The following SEMA4D variants were observed in gnomAD, a reference collection of about 807,000 sequenced individuals.
SEMA4D encodes semaphorin 4D, also known as semaphorin-4D.
Under a neutral mutation model 74.8 loss-of-function variants are expected in SEMA4D, and 22 were observed. That is an observed-to-expected ratio of 0.29 (90% CI 0.21 to 0.42). The LOEUF (loss-of-function observed/expected upper bound fraction) is 0.42, where lower values mean the gene tolerates loss of function less well. Among genes scored for constraint, SEMA4D ranks in the 10% least tolerant of loss-of-function variants. The pLI is 1.00. For synonymous variants in SEMA4D, 445 were observed against 463.7 expected, an observed-to-expected ratio of 0.96 and a Z score of 0.52; for missense variants, 937 against 1,118.4, an observed-to-expected ratio of 0.84 and a Z score of 2.31.
chr9:89,363,682 TTGTAAATAG>T, intron 17 of SEMA4D: 1 of 1,594,504 alleles, frequency 6.3e-7, no homozygotes, highest in Non-Finnish European at 8.6e-7. Context: ...TTCACTGCCA[TTGTAAATAG>T]TGAAAAATTA....
chr9:89,453,380 C>T (rs755968287), intron 2 of SEMA4D, among the ~76,000 whole-genome samples: 6 of 152,258 alleles, frequency 3.9e-5, no homozygotes, highest in African/African-American at 9.6e-5. Flanking sequence ...AGAAATCACA[C>T]GCAAGACACA....
Position 89,472,568 on chromosome 9 carries a change from C to T in SEMA4D, c.-309-16615G>A, listed in dbSNP as rs376754607. 179 of 238,306 alleles carry T rather than the reference C, an allele frequency of 7.5e-4. 1 individual carries two copies. Among genetic ancestry groups the T allele is most frequent in the African/African-American group, 3.8e-3 (165 of 43,180 alleles). The allele number at this position is 238,306 out of a possible 1,614,324, so 14.8% of individuals were successfully genotyped here. On this transcript the variant is annotated intron_variant, in intron 1 of 15. Coordinates refer to ENST00000422704, the MANE Select transcript of SEMA4D (RefSeq NM_001371194.2). The stretch of plus-strand genomic sequence containing the variant: ...AAGAGCCAAATCACCGCTAGCAAAA[C>T]GGCAGAATTCATATAGCATTCAAAG...
chr9:89,457,808 G>A (rs1856300158), intron 1 of SEMA4D, among the ~76,000 whole-genome samples: 1 of 151,962 alleles, frequency 6.6e-6, no homozygotes, highest in Non-Finnish European at 1.5e-5. Context: ...CCGAAGGTGG[G>A]TGGATCACTA....
exon 17 of SEMA4D, chr9:89,363,950 C>T (rs1299364980): frequency 6.2e-7 from 1 of 1,614,058 alleles, no homozygotes; most frequent in South Asian, 1.1e-5. Context: ...GTCTGCAGGA[C>T]CTGGGGACAC....
intron 1 of SEMA4D, among the ~76,000 whole-genome samples, chr9:89,473,795 C>CA (rs36119374): frequency 0.19 from 29,000 of 152,038 alleles, 2,954 homozygotes; most frequent in East Asian, 0.32. Context: ...GCAGAGGTTG[C>CA]AGTGAGCTGA....
Position 89,484,684 on chromosome 9 carries a change from CTG to C in SEMA4D, c.-310+13233_-310+13234del, listed in dbSNP as rs1395159147. On this transcript the variant is annotated intron_variant, in intron 1 of 15. Coordinates refer to ENST00000422704, the MANE Select transcript of SEMA4D (RefSeq NM_001371194.2). This position sits in a 1 kb window ranked among gnomAD's most constrained non-coding sequence, Gnocchi z 4.1. ...GTGGTGTGTGTATGTAGTGTGGTGGCTGTGTGTGTGGTATGTGATGTGGTGTA... is the reference window on the plus strand; with the variant it reads ...GTGGTGTGTGTATGTAGTGTGGTGGCTGTGTGTGGTATGTGATGTGGTGTA... Among the ~76,000 whole-genome samples, 2 of 143,606 alleles carry C rather than the reference CTG, an allele frequency of 1.4e-5. No individual in the cohort carries two copies. The highest frequency in any genetic ancestry group is 6.9e-5 in the Admixed American group (1 of 14,452). 94.2% of individuals were successfully genotyped at this position (143,606 alleles called of 152,430 possible). A position where few individuals can be genotyped will look rare whatever the true frequency, so the allele number is the denominator to read the frequency against.
At chr9:89,436,698 A>T (rs1850491880) in intron 2 of SEMA4D, 1 of 152,892 alleles carries the variant, frequency 6.5e-6, no homozygotes, top group South Asian at 2.1e-4. Flanking sequence ...CCCAGTCCCA[A>T]GGCTGAGGAA....
rs1340534203 is a variant in SEMA4D, at chr9:89,399,259, T to C, written c.315+17A>G. On this transcript the variant is annotated intron_variant, in intron 5 of 15. Coordinates refer to ENST00000422704, the MANE Select transcript of SEMA4D (RefSeq NM_001371194.2). ...ATACTTGAATGGGATTCTTTGTAGCTTGCAAAAGAAATTTACCTGTTTTGA... is the reference window on the plus strand; with the variant it reads ...ATACTTGAATGGGATTCTTTGTAGCCTGCAAAAGAAATTTACCTGTTTTGA... 3 of 1,608,000 alleles carry C rather than the reference T, an allele frequency of 1.9e-6. No homozygotes were observed. The South Asian group carries it at 3.3e-5, about 18-fold the overall frequency.
At chr9:89,438,970 T>C (rs1851094394) in intron 2 of SEMA4D, among the ~76,000 whole-genome samples, 4 of 23,264 alleles carry the variant, frequency 1.7e-4, no homozygotes. Flanking sequence ...GGGCCTTTTT[T>C]TTTTTTTTTT....
At chr9:89,392,581 A>G in intron 7 of SEMA4D, 45 bp from the exon 8 acceptor site, 1 of 1,202,434 alleles carries the variant, frequency 8.3e-7, no homozygotes, top group Non-Finnish European at 1.2e-6. Context: ...CCAACCTCTC[A>G]GGCTATGGCA....
At chr9:89,450,382 C>T (rs906711020) in intron 2 of SEMA4D, 2 of 1,091,022 alleles carry the variant, frequency 1.8e-6, no homozygotes, top group African/African-American at 3.1e-5. Flanking sequence ...CGTTTTGATG[C>T]CATGCCATTT....
chr9:89,388,646 C>T lies in SEMA4D; in HGVS notation c.1097G>A (p.Arg366Gln), dbSNP rs369287352. The change falls in exon 11 of 16, where the codon CGG (arginine) becomes CAG (glutamine). Residue 366 changes from arginine to glutamine, a missense_variant. Coordinates refer to ENST00000422704, the MANE Select transcript of SEMA4D (RefSeq NM_001371194.2). ...AGTGCCCCAGCTCACCGCTCCAGGC[C>T]GCGGCTTGGGTACCGGGCCATTATA... Reference protein sequence around the residue: ...VRYNGPVPKPRPGACIDSEAR... With the variant: ...VRYNGPVPKPQPGACIDSEAR... 33 of 1,599,506 alleles carry T rather than the reference C, an allele frequency of 2.1e-5. No individual in the cohort carries two copies. In the South Asian group the frequency reaches 2.3e-4, roughly 11 times the overall value.
intron 1 of SEMA4D, among the ~76,000 whole-genome samples, chr9:89,462,485 C>A (rs1857481807): frequency 6.6e-6 from 1 of 152,152 alleles, no homozygotes; most frequent in Non-Finnish European, 1.5e-5. Flanking sequence ...AAATGTTTTT[C>A]CCTGTGGCAT....
chr9:89,490,949 A>G (rs1825577042), intron 1 of SEMA4D, among the ~76,000 whole-genome samples: 1 of 152,212 alleles, frequency 6.6e-6, no homozygotes, highest in African/African-American at 2.4e-5. Flanking sequence ...GATTCGAAAT[A>G]AATTGGCCCA....
chr9:89,419,018 C>T (rs1423995632), intron 2 of SEMA4D, among the ~76,000 whole-genome samples: 1 of 144,058 alleles, frequency 6.9e-6, no homozygotes, highest in Non-Finnish European at 1.5e-5. Flanking sequence ...CTGGACGGCT[C>T]CCTCCTCTAC....
At chr9:89,374,905 T>G (rs1835574411), downstream of SEMA4D, among the ~76,000 whole-genome samples, 1 of 152,038 alleles carries the variant, frequency 6.6e-6, no homozygotes, top group African/African-American at 2.4e-5. Context: ...ATACAAAAAT[T>G]AGCTGGGCAT....
intron 1 of SEMA4D, among the ~76,000 whole-genome samples, chr9:89,465,231 A>C (rs1477080754): frequency 2.0e-5 from 3 of 152,158 alleles, no homozygotes; most frequent in Non-Finnish European, 4.4e-5. Flanking sequence ...AGTCCGGTGC[A>C]TCCCGCGGAG....
chr9:89,369,422 A>G (rs575082904), intron 16 of SEMA4D: 2 of 152,362 alleles, frequency 1.3e-5, no homozygotes, highest in South Asian at 4.1e-4. Context: ...AGCTTTGAAA[A>G]TGACACGGGT....
chr9:89,369,108 C>T (rs1564490891), intron 16 of SEMA4D: 10 of 152,206 alleles, frequency 6.6e-5, no homozygotes, highest in Admixed American at 5.9e-4. Flanking sequence ...CAAGGGTGGC[C>T]CAACACACAA....
Sources: allele counts gnomAD v4.1 joint callset (sites outside exome capture counted in the v4.1 genomes callset), GRCh38; gene constraint gnomAD v4.1.1; non-coding constraint Gnocchi (gnomAD v3.1); transcripts MANE v1.5; gene names NCBI Gene and HGNC (gene_info 2026-07-23, HGNC 2026-07-21).